The following HACL1 variants were observed in gnomAD, a reference collection of about 807,000 sequenced individuals.
HACL1 encodes 2-hydroxyacyl-CoA lyase 1, also known as 1600020H07Rik.
HACL1 carries 64 observed loss-of-function variants against 74.2 expected under a neutral mutation model. The observed-to-expected ratio is 0.86, with a 90% CI of 0.70 to 1.06. HACL1 has a LOEUF of 1.06. Ranked by LOEUF, HACL1 falls within the 50% of genes least tolerant of loss-of-function variation. HACL1 has a pLI of 0.00. For synonymous variants in HACL1, 230 were observed against 238.8 expected (o/e 0.96, Z 0.34); for missense variants, 728 against 719.7 (o/e 1.01, Z -0.13).
chr3:15,592,095 CTA>C (rs1320601816), intron 3 of HACL1, among the ~76,000 whole-genome samples: 6 of 139,656 alleles, frequency 4.3e-5, no homozygotes, highest in Non-Finnish European at 7.5e-5. Context: ...TATACACACA[CTA>C]TATACGTATA....
At chr3:15,592,586 G>A (rs1435465840) in intron 3 of HACL1, among the ~76,000 whole-genome samples, 1 of 135,292 alleles carries the variant, frequency 7.4e-6, no homozygotes, top group Admixed American at 7.3e-5. Context: ...ACATGTGTGC[G>A]TGTATACACA....
intron 9 of HACL1, among the ~76,000 whole-genome samples, chr3:15,578,615 G>A (rs1574923904): frequency 6.6e-6 from 1 of 152,292 alleles, no homozygotes; most frequent in Non-Finnish European, 1.5e-5. Flanking sequence ...GAGTATGGGG[G>A]GAAATGTCAG....
intron 3 of HACL1, among the ~76,000 whole-genome samples, chr3:15,595,087 A>C (rs534313436): frequency 6.6e-6 from 1 of 152,170 alleles, no homozygotes; most frequent in Non-Finnish European, 1.5e-5. Context: ...AGATTGCACC[A>C]CTGCACTGTC....
At chr3:15,577,711 T>C (rs973566362) in intron 9 of HACL1, among the ~76,000 whole-genome samples, 2 of 151,856 alleles carry the variant, frequency 1.3e-5, no homozygotes, top group Admixed American at 6.6e-5. Flanking sequence ...GGTGGGAGGA[T>C]TGCTTTAGCC....
At chr3:15,588,143 T>C (rs115123120) in intron 5 of HACL1, among the ~76,000 whole-genome samples, 9,835 of 152,196 alleles carry the variant, frequency 0.065, 432 homozygotes, top group Middle Eastern at 0.14. Flanking sequence ...ATCTACACGC[T>C]TGGGGCTCCC....
intron 9 of HACL1, among the ~76,000 whole-genome samples, chr3:15,577,901 A>T (rs1045230545): frequency 2.6e-5 from 4 of 152,040 alleles, no homozygotes; most frequent in Non-Finnish European, 5.9e-5. Flanking sequence ...GATGGAGACC[A>T]TCCTGGCTAA....
At chr3:15,599,378 T>C (rs1431298339) in intron 2 of HACL1, among the ~76,000 whole-genome samples, 1 of 152,200 alleles carries the variant, frequency 6.6e-6, no homozygotes, top group Non-Finnish European at 1.5e-5. Context: ...GTAATCCTCC[T>C]GCCTCAGCCC....
intron 9 of HACL1, 34 bp from the exon 10 acceptor site, chr3:15,575,116 A>G: frequency 2.9e-6 from 3 of 1,033,222 alleles, no homozygotes; most frequent in Non-Finnish European, 4.6e-6. Flanking sequence ...GTATAACTAC[A>G]TTTCTTATTT....
At chr3:15,599,237 C>T (rs1181185003) in intron 2 of HACL1, among the ~76,000 whole-genome samples, 1 of 152,242 alleles carries the variant, frequency 6.6e-6, no homozygotes, top group Admixed American at 6.5e-5. Flanking sequence ...TATCATTCAT[C>T]TCTGTATCCA....
chr3:15,592,083 TATATACACAC>T, intron 3 of HACL1, among the ~76,000 whole-genome samples: 1 of 121,386 alleles, frequency 8.2e-6, no homozygotes, highest in African/African-American at 3.5e-5. Context: ...CGTATACGTA[TATATACACAC>T]ACTATATACG....
chr3:15,571,797 A>AC, intron 11 of HACL1, 28 bp from the exon 12 acceptor site: 1 of 710,072 alleles, frequency 1.4e-6, no homozygotes, highest in Admixed American at 2.8e-5. Flanking sequence ...ACACACACAC[A>AC]AACACATAAA....
At position 15,568,602 on chromosome 3, in the gene HACL1, G is replaced by A; in HGVS notation, c.1096-16C>T. On this transcript the variant is annotated splice_polypyrimidine_tract_variant and intron_variant, in intron 12 of 16. Transcript: ENST00000321169. ...AAGCTAGTTCCTGAAAAGTAGATGG[G>A]AATATAATCAAATTAAATTGGGATA... 1 of 1,371,662 alleles carries A rather than the reference G, an allele frequency of 7.3e-7. No individual in the cohort carries two copies. The highest frequency in any genetic ancestry group is 1.4e-5 in the African/African-American group (1 of 69,376). 85.0% of individuals were successfully genotyped at this position (1,371,662 alleles called of 1,614,324 possible).
intron 14 of HACL1, among the ~76,000 whole-genome samples, chr3:15,565,039 C>T (rs1272727344): frequency 3.3e-5 from 5 of 152,066 alleles, no homozygotes; most frequent in African/African-American, 1.2e-4. Context: ...GTGGCATGTG[C>T]CTGTAGTCCC....
intron 3 of HACL1, among the ~76,000 whole-genome samples, chr3:15,592,063 T>G (rs1034395919): frequency 6.3e-5 from 1 of 15,752 alleles, no homozygotes; most frequent in Non-Finnish European, 1.5e-4. Flanking sequence ...TACGTATATA[T>G]ACGTATATAC....
chr3:15,563,294 CT>C (rs2063376253), intron 16 of HACL1, 63 bp downstream of exon 16: 4 of 1,117,684 alleles, frequency 3.6e-6, no homozygotes. Context: ...TTGGTAGATA[CT>C]TTTTGGAGGG....
intron 14 of HACL1, among the ~76,000 whole-genome samples, chr3:15,566,339 T>C (rs1276925318): frequency 6.6e-6 from 1 of 152,236 alleles, no homozygotes; most frequent in Admixed American, 6.5e-5. Flanking sequence ...AAATGACTCA[T>C]GTTCACTGAG....
At chr3:15,593,783 T>C (rs905110888) in intron 3 of HACL1, among the ~76,000 whole-genome samples, 10 of 106,842 alleles carry the variant, frequency 9.4e-5, no homozygotes. Flanking sequence ...ATGTTTTGTG[T>C]TTTTTTTTTT....
chr3:15,573,028 T>C, intron 11 of HACL1, 131 bp downstream of exon 11: 2 of 589,738 alleles, frequency 3.4e-6, no homozygotes, highest in Non-Finnish European at 6.1e-6. Flanking sequence ...AGAATAGTTT[T>C]CAATCATACA....
rs546247793 is a variant in HACL1 at position 15,591,853 on chromosome 3, T to C, written c.228-173A>G. 3.3e-5 allele frequency among the ~76,000 whole-genome samples: 5 copies of C among 151,160 alleles called. No individual in the cohort carries two copies. In the South Asian group the frequency reaches 1.0e-3, roughly 31 times the overall value. ...TAATTAAAAAACAAGGCGATATATA[T>C]ATATCGCGATATATATACATACACA... On this transcript the variant is annotated intron_variant, in intron 3 of 16. Transcript: ENST00000321169.
Sources: gnomAD v4.1 joint callset for allele counts (sites outside exome capture counted in the v4.1 genomes callset) on GRCh38, gnomAD v4.1.1 for gene constraint, MANE v1.5 for transcripts, NCBI Gene and HGNC (gene_info 2026-07-23, HGNC 2026-07-21) for gene names.